Variants in DOCK3 observed in about 807,000 individuals in gnomAD.
DOCK3 encodes the protein dedicator of cytokinesis 3, also known as dedicator of cytokinesis protein 3.
In DOCK3, 60 loss-of-function variants were observed where a neutral mutation model predicts 265.6. That is an observed-to-expected ratio of 0.23 (90% CI 0.18 to 0.28). The LOEUF (loss-of-function observed/expected upper bound fraction) is 0.28, where lower values mean the gene tolerates loss of function less well. DOCK3 is among the 10% of genes least tolerant of loss of function. The pLI, the probability that DOCK3 is intolerant of heterozygous loss-of-function variation, is 1.00. For missense variants in DOCK3, 1,981 were observed against 2,594.3 expected, an observed-to-expected ratio of 0.76 and a Z score of 5.14; for synonymous variants, 881 against 938.0, an observed-to-expected ratio of 0.94 and a Z score of 1.11.
chr3:51,082,343 C>A (rs1053867179), intron 7 of DOCK3, among the ~76,000 whole-genome samples: 1 of 152,124 alleles, frequency 6.6e-6, no homozygotes, highest in African/African-American at 2.4e-5. Flanking sequence ...CCCCCTATGT[C>A]CATTCAGAGG....
chr3:51,111,646 A>C (rs1393365922), intron 9 of DOCK3, among the ~76,000 whole-genome samples: 5 of 152,228 alleles, frequency 3.3e-5, no homozygotes, highest in Admixed American at 1.3e-4. Flanking sequence ...CATTGTGTAC[A>C]TGGGAACAGG....
At chr3:51,225,297 A>G (rs1216844779) in intron 14 of DOCK3, among the ~76,000 whole-genome samples, 3 of 152,214 alleles carry the variant, frequency 2.0e-5, no homozygotes, top group East Asian at 1.9e-4. Context: ...GCATGTTAAA[A>G]TGTTATTCCT....
At chr3:50,690,617 G>A (rs897063810) in intron 1 of DOCK3, among the ~76,000 whole-genome samples, 2 of 151,370 alleles carry the variant, frequency 1.3e-5, no homozygotes, top group African/African-American at 2.4e-5. Context: ...TCATTCATTC[G>A]TTCGTTCGTT....
intron 1 of DOCK3, among the ~76,000 whole-genome samples, chr3:50,749,450 G>A (rs1375985107): frequency 2.0e-5 from 3 of 152,198 alleles, no homozygotes; most frequent in Admixed American, 1.3e-4. Flanking sequence ...TCTCTACCTC[G>A]TCTTGTAAAT....
chr3:51,200,995 G>T (rs551144548), intron 12 of DOCK3, among the ~76,000 whole-genome samples: 2 of 152,016 alleles, frequency 1.3e-5, no homozygotes, highest in East Asian at 3.9e-4. Context: ...GTCACCACCA[G>T]GCCTGCCCTA....
At chr3:50,710,807 T>G (rs763574010) in intron 1 of DOCK3, among the ~76,000 whole-genome samples, 10 of 152,216 alleles carry the variant, frequency 6.6e-5, no homozygotes, top group Non-Finnish European at 1.3e-4. Context: ...ATGGACAGCA[T>G]GGACTACTAC....
At chr3:51,314,501 C>CA (rs1358437470) in intron 31 of DOCK3, among the ~76,000 whole-genome samples, 1 of 152,200 alleles carries the variant, frequency 6.6e-6, no homozygotes, top group Non-Finnish European at 1.5e-5. Flanking sequence ...ACTTATTAGA[C>CA]GTCTGGTGGC....
intron 5 of DOCK3, among the ~76,000 whole-genome samples, chr3:50,983,420 CAT>C (rs2077774633): frequency 6.6e-6 from 1 of 152,166 alleles, no homozygotes; most frequent in Non-Finnish European, 1.5e-5. Flanking sequence ...CTGGACCAGT[CAT>C]ACACATTTCC....
chr3:50,768,286 T>G (rs1337399308), intron 1 of DOCK3, among the ~76,000 whole-genome samples: 1 of 152,140 alleles, frequency 6.6e-6, no homozygotes, highest in African/African-American at 2.4e-5. Flanking sequence ...TTTTGAGATA[T>G]GTCCCATCAA....
intron 32 of DOCK3, among the ~76,000 whole-genome samples, chr3:51,320,935 G>A (rs1479732756): frequency 3.9e-5 from 6 of 152,226 alleles, no homozygotes; most frequent in African/African-American, 7.2e-5. Flanking sequence ...TGACGGCTCT[G>A]AAGAGAGCAG....
chr3:50,708,737 CA>C (rs2107890873), intron 1 of DOCK3, among the ~76,000 whole-genome samples: 1 of 152,338 alleles, frequency 6.6e-6, no homozygotes, highest in African/African-American at 2.4e-5. Flanking sequence ...GGGGATCTCT[CA>C]TTTACCTTTT....
intron 49 of DOCK3, among the ~76,000 whole-genome samples, chr3:51,366,782 C>T (rs577411870): frequency 2.0e-5 from 3 of 152,274 alleles, no homozygotes; most frequent in African/African-American, 4.8e-5. Context: ...GTTCAGTTTC[C>T]ATGTAGTTGA....
chr3:50,935,814 C>T (rs1351391014), intron 5 of DOCK3, among the ~76,000 whole-genome samples: 1 of 152,138 alleles, frequency 6.6e-6, no homozygotes, highest in Non-Finnish European at 1.5e-5. Context: ...AACCACAGCC[C>T]ATAAAGATGA....
At chr3:51,307,196 T>G (rs2082732543) in intron 27 of DOCK3, among the ~76,000 whole-genome samples, 1 of 152,194 alleles carries the variant, frequency 6.6e-6, no homozygotes, top group Admixed American at 6.5e-5. Context: ...CAGAGCTCAC[T>G]ACAACCTTGC....
At chr3:50,705,088 C>A (rs2036314270) in intron 1 of DOCK3, among the ~76,000 whole-genome samples, 1 of 145,310 alleles carries the variant, frequency 6.9e-6, no homozygotes, top group African/African-American at 2.5e-5. Context: ...CTATTGTTGG[C>A]CTTTACAATT....
chr3:50,976,602 A>T (rs2077460549), intron 5 of DOCK3, among the ~76,000 whole-genome samples: 1 of 150,344 alleles, frequency 6.7e-6, no homozygotes, highest in South Asian at 2.1e-4. Context: ...TGTGGTGCTG[A>T]AAAAAATGTA....
intron 4 of DOCK3, among the ~76,000 whole-genome samples, chr3:50,904,215 T>A (rs1041582389): frequency 3.3e-5 from 5 of 152,284 alleles, no homozygotes; most frequent in South Asian, 2.1e-4. Context: ...TAGTGCCACA[T>A]TAAACATACG....
At chr3:50,883,999 CCTTCTTTCATTCAGCATA>C (rs2048197114) in intron 3 of DOCK3, among the ~76,000 whole-genome samples, 1 of 151,952 alleles carries the variant, frequency 6.6e-6, no homozygotes, top group Admixed American at 6.6e-5. Flanking sequence ...TTTGCATCTG[CCTTCTTTCATTCAGCATA>C]ATGTTTTCTG....
chr3:51,206,221 A>C (rs2089198610), intron 12 of DOCK3, among the ~76,000 whole-genome samples: 1 of 152,210 alleles, frequency 6.6e-6, no homozygotes, highest in Non-Finnish European at 1.5e-5. Flanking sequence ...GCAAAGTTTT[A>C]ATTAGCAACA....
Sources: gnomAD v4.1 joint callset for allele counts (sites outside exome capture counted in the v4.1 genomes callset) on GRCh38, gnomAD v4.1.1 for gene constraint, MANE v1.5 for transcripts, NCBI Gene and HGNC (gene_info 2026-07-23, HGNC 2026-07-21) for gene names.